Variants in MYO6 observed in about 807,000 individuals in gnomAD.
MYO6 encodes myosin VI, also known as unconventional myosin-VI.
In MYO6, 74 loss-of-function variants were observed where a neutral mutation model predicts 178.7. That is an observed-to-expected ratio of 0.41 (90% confidence interval 0.34 to 0.50). The LOEUF (loss-of-function observed/expected upper bound fraction) is 0.50, where lower values mean the gene tolerates loss of function less well. Among genes scored for constraint, MYO6 ranks in the 20% least tolerant of loss-of-function variants. MYO6 has a pLI of 0.09. For missense variants in MYO6, 1,330 were observed against 1,547.4 expected, an observed-to-expected ratio of 0.86 and a Z score of 2.36; for synonymous variants, 477 against 504.6, an observed-to-expected ratio of 0.95 and a Z score of 0.73.
intron 1 of MYO6, among the ~76,000 whole-genome samples, chr6:75,772,261 A>G (rs918847162): frequency 1.3e-5 from 2 of 152,078 alleles, no homozygotes; most frequent in East Asian, 1.9e-4. Flanking sequence ...TGCTTTGTTT[A>G]CATTCTATGT....
chr6:75,885,886 A>T, intron 23 of MYO6, 118 bp from the exon 24 acceptor site: 1 of 688,672 alleles, frequency 1.5e-6, no homozygotes, highest in South Asian at 1.8e-5. Context: ...ATATATAATA[A>T]TATGGTCGTC....
chr6:75,784,493 G>A lies in MYO6; in HGVS notation c.-47-33008G>A, dbSNP rs530843596. On this transcript the variant is annotated intron_variant, in intron 1 of 34. Transcript: ENST00000369977. ...GAAGAGCAAAGTGAAAGGGAAGTTT[G>A]CCCGGCGCGGTGGCTCATGCCTGTA... Among the ~76,000 whole-genome samples the A allele has an allele frequency of 2.2e-4, 33 of 151,986 alleles. No individual in the cohort carries two copies. In the East Asian group the frequency reaches 5.7e-3, roughly 26 times the overall value.
chr6:75,848,568 A>G, intron 11 of MYO6, 37 bp downstream of exon 11: 3 of 1,589,406 alleles, frequency 1.9e-6, no homozygotes, highest in East Asian at 2.2e-5. Context: ...AAAAAATTAA[A>G]TAGAATTTCT....
chr6:75,809,640 G>C (rs542349222), intron 1 of MYO6, among the ~76,000 whole-genome samples: 21 of 152,214 alleles, frequency 1.4e-4, no homozygotes, highest in African/African-American at 4.8e-4. Context: ...AAATCTCGAA[G>C]TGGGGGGGTG....
intron 11 of MYO6, 22 bp from the exon 12 acceptor site, chr6:75,855,117 A>T: frequency 6.4e-7 from 1 of 1,561,162 alleles, no homozygotes; most frequent in Non-Finnish European, 8.8e-7. Context: ...TATTAATTTC[A>T]ATGAAAATAT....
intron 1 of MYO6, among the ~76,000 whole-genome samples, chr6:75,774,904 C>T (rs1410068327): frequency 6.6e-6 from 1 of 151,996 alleles, no homozygotes; most frequent in Non-Finnish European, 1.5e-5. Context: ...AGCGATTCTC[C>T]TGCCTCAGCC....
At chr6:75,811,486 G>A (rs1770695997) in intron 1 of MYO6, among the ~76,000 whole-genome samples, 1 of 152,174 alleles carries the variant, frequency 6.6e-6, no homozygotes, top group South Asian at 2.1e-4. Context: ...TGATGAAGGA[G>A]CAATGTTAGC....
At chr6:75,764,915 C>T (rs140234580) in intron 1 of MYO6, among the ~76,000 whole-genome samples, 2,536 of 151,044 alleles carry the variant, frequency 0.017, 64 homozygotes, top group African/African-American at 0.056. Context: ...AGGAGAATGG[C>T]GTGAATCCAG....
Position 75,890,228 on chromosome 6 carries a change from G to A in MYO6, c.2830G>A (p.Glu944Lys), listed in dbSNP as rs780630899. 1.2e-6 allele frequency: 2 copies of A among 1,612,438 alleles called. No homozygotes were observed. Among genetic ancestry groups the A allele is most frequent in the Non-Finnish European group, 8.5e-7 (1 of 1,178,576 alleles). The change falls in exon 26 of 35, where the codon GAA becomes AAA. Residue 944 changes from glutamate to lysine, a missense_variant. Coordinates refer to ENST00000369977, the MANE Select transcript of MYO6 (RefSeq NM_004999.4). The stretch of plus-strand genomic sequence containing the variant: ...GGAAAGAAAAAGACGTGAAGAAGAC[G>A]AAAAACGTCGAAGAAAGGAAGAGGA... Reference protein sequence around the residue: ...EKERKRREEDEKRRRKEEEER... With the variant: ...EKERKRREEDKKRRRKEEEER...
intron 1 of MYO6, among the ~76,000 whole-genome samples, chr6:75,795,189 G>A (rs1267747027): frequency 1.3e-5 from 2 of 152,184 alleles, no homozygotes; most frequent in African/African-American, 4.8e-5. Context: ...GGTGTAGGCG[G>A]AAGGCAGCAG....
In MYO6 at chr6:75,914,083, C is replaced by T. The variant is rs778434613; in HGVS notation, c.3460C>T (p.Gln1154Ter). 6.2e-7 allele frequency: 1 copy of T among 1,614,140 alleles called. No homozygotes were observed. The highest frequency in any genetic ancestry group is 8.5e-7 in the Non-Finnish European group (1 of 1,180,034). ...NNSPQQNPAA[Q>*]IPARQREIEM... ...AATAGCTCAGCAAAACCCAGCAGCTCAGATTCCTGCCAGGCAGCGGGAGAT... is the reference window on the plus strand; with the variant it reads ...AATAGCTCAGCAAAACCCAGCAGCTTAGATTCCTGCCAGGCAGCGGGAGAT... The change falls in exon 34 of 35, where the codon CAG becomes TAG. Residue 1154 changes from glutamine (Q) to a stop codon, truncating the protein, a stop_gained. Transcript: ENST00000369977. LOFTEE classifies it high-confidence loss of function.
chr6:75,852,881 C>T (rs1775402853), intron 11 of MYO6, among the ~76,000 whole-genome samples: 1 of 152,118 alleles, frequency 6.6e-6, no homozygotes, highest in Non-Finnish European at 1.5e-5. Flanking sequence ...ACTGCTGAAT[C>T]ACATCATGGT....
chr6:75,872,473 C>T (rs1443596637), intron 19 of MYO6, among the ~76,000 whole-genome samples: 1 of 152,114 alleles, frequency 6.6e-6, no homozygotes, highest in East Asian at 1.9e-4. Context: ...TTCTTTTACA[C>T]TTTGGCCTAA....
intron 3 of MYO6, among the ~76,000 whole-genome samples, chr6:75,826,607 C>T (rs1306440867): frequency 1.3e-5 from 2 of 152,050 alleles, no homozygotes; most frequent in South Asian, 2.1e-4. Flanking sequence ...AGACCAGGCT[C>T]CAGGGGACAA....
chr6:75,837,027 C>T (rs1298183358), intron 7 of MYO6, among the ~76,000 whole-genome samples: 3 of 152,182 alleles, frequency 2.0e-5, no homozygotes, highest in Non-Finnish European at 4.4e-5. Flanking sequence ...TTTCTTCTGA[C>T]TCCTTATGCT....
At chr6:75,852,468 C>T (rs1413934297) in intron 11 of MYO6, among the ~76,000 whole-genome samples, 1 of 152,046 alleles carries the variant, frequency 6.6e-6, no homozygotes, top group Non-Finnish European at 1.5e-5. Flanking sequence ...ATTTTCATCA[C>T]CCCACAAAGA....
chr6:75,793,764 AC>A (rs1302612556), intron 1 of MYO6, among the ~76,000 whole-genome samples: 20 of 152,346 alleles, frequency 1.3e-4, no homozygotes, highest in African/African-American at 4.6e-4. Flanking sequence ...GAGAATGTCT[AC>A]GTACATTTAT....
At chr6:75,779,312 G>A (rs1169163662) in intron 1 of MYO6, among the ~76,000 whole-genome samples, 3 of 152,078 alleles carry the variant, frequency 2.0e-5, no homozygotes, top group Non-Finnish European at 4.4e-5. Flanking sequence ...GAACAGCCTG[G>A]CCAACATGGT....
At chr6:75,884,972 C>T (rs1012341547) in intron 23 of MYO6, among the ~76,000 whole-genome samples, 4 of 152,182 alleles carry the variant, frequency 2.6e-5, no homozygotes, top group African/African-American at 9.7e-5. Flanking sequence ...CAAAGGCTGA[C>T]TGGTTCCCCA....
Sources: allele counts gnomAD v4.1 joint callset (sites outside exome capture counted in the v4.1 genomes callset), GRCh38; gene constraint gnomAD v4.1.1; transcripts MANE v1.5; gene names NCBI Gene and HGNC (gene_info 2026-07-23, HGNC 2026-07-21).